The following MYO16 variants were observed in gnomAD, a reference collection of about 807,000 sequenced individuals.
The protein encoded by MYO16 is unconventional myosin-XVI.
MYO16 carries 94 observed loss-of-function variants against 205.3 expected under a neutral mutation model. The observed-to-expected ratio is 0.46, with a 90% CI of 0.39 to 0.54. The LOEUF is 0.54. Among genes scored for constraint, MYO16 ranks in the 20% least tolerant of loss-of-function variants. The pLI is 0.00. For missense variants in MYO16, 2,315 were observed against 2,387.5 expected, an observed-to-expected ratio of 0.97 and a Z score of 0.63; for synonymous variants, 988 against 954.0, an observed-to-expected ratio of 1.04 and a Z score of -0.66.
intron 32 of MYO16, among the ~76,000 whole-genome samples, chr13:109,148,485 A>C (rs1382074571): frequency 6.6e-6 from 1 of 152,228 alleles, no homozygotes; most frequent in Non-Finnish European, 1.5e-5. Context: ...TGATAAACAA[A>C]TCTGGCATTG....
chr13:108,828,876 C>A (rs774553610), intron 9 of MYO16, among the ~76,000 whole-genome samples: 63 of 152,162 alleles, frequency 4.1e-4, no homozygotes, highest in Non-Finnish European at 7.8e-4. Context: ...GGGGAGGGGG[C>A]TCAGAAGCTC....
chr13:108,933,609 T>C (rs1273917211), intron 16 of MYO16, among the ~76,000 whole-genome samples: 1 of 152,100 alleles, frequency 6.6e-6, no homozygotes, highest in Admixed American at 6.6e-5. Flanking sequence ...TTTTCAACTT[T>C]TGTTTTAGAT....
intron 27 of MYO16, among the ~76,000 whole-genome samples, chr13:109,071,457 A>C (rs1453800720): frequency 6.6e-6 from 1 of 152,196 alleles, no homozygotes; most frequent in Non-Finnish European, 1.5e-5. Flanking sequence ...CACCTCAATC[A>C]CTGATGAATG....
intron 9 of MYO16, among the ~76,000 whole-genome samples, chr13:108,832,228 C>T (rs529771042): frequency 9.9e-5 from 15 of 151,162 alleles, no homozygotes; most frequent in South Asian, 6.3e-4. Flanking sequence ...CTGCAACCTC[C>T]GCCTCCTGGG....
intron 4 of MYO16, among the ~76,000 whole-genome samples, chr13:108,762,323 T>C (rs1885636881): frequency 6.6e-6 from 1 of 152,190 alleles, no homozygotes; most frequent in South Asian, 2.1e-4. Context: ...AGGCATCTTT[T>C]TGATATAATG....
chr13:108,755,993 T>C (rs1455003124), intron 4 of MYO16, among the ~76,000 whole-genome samples: 1 of 152,230 alleles, frequency 6.6e-6, no homozygotes, highest in Non-Finnish European at 1.5e-5. Context: ...CTTAGCATTA[T>C]AGTCACAGTC....
chr13:108,880,945 A>T (rs1879584658), intron 12 of MYO16, among the ~76,000 whole-genome samples: 2 of 152,166 alleles, frequency 1.3e-5, no homozygotes, highest in African/African-American at 4.8e-5. Flanking sequence ...TCTATAAATT[A>T]CCTTGGGCAT....
intron 1 of MYO16, among the ~76,000 whole-genome samples, chr13:108,615,912 A>C (rs985037550): frequency 6.6e-6 from 1 of 152,154 alleles, no homozygotes; most frequent in African/African-American, 2.4e-5. Context: ...TGTTTATACC[A>C]TTCTGTATTG....
At chr13:108,770,647 C>A (rs34079484) in intron 4 of MYO16, among the ~76,000 whole-genome samples, 12,055 of 152,180 alleles carry the variant, frequency 0.079, 614 homozygotes, top group Non-Finnish European at 0.12. Context: ...GAAAATGAAG[C>A]CACTGAGGAA....
In MYO16 at chr13:109,127,279, A is replaced by G; in HGVS notation, c.3783-3A>G. The G allele has an allele frequency of 6.4e-7, 1 of 1,572,676 alleles. No individual in the cohort carries two copies. Among genetic ancestry groups the G allele is most frequent in the South Asian group, 1.2e-5 (1 of 85,922 alleles). On this transcript the variant is annotated splice_region_variant and splice_polypyrimidine_tract_variant and intron_variant, in intron 30 of 34. Transcript: ENST00000457511. This position sits in a 1 kb window ranked among gnomAD's most constrained non-coding sequence, Gnocchi z 4.2. ...TGCTGTTTGTGTTTTGTTTCCCCCT[A>G]AGAACCGATGACAAGAGTGGACCCA...
intron 15 of MYO16, among the ~76,000 whole-genome samples, chr13:108,904,602 A>G (rs1345637371): frequency 2.6e-5 from 4 of 152,196 alleles, no homozygotes; most frequent in Non-Finnish European, 5.9e-5. Flanking sequence ...GTGTTTACAG[A>G]TTATATGTAA....
intron 22 of MYO16, among the ~76,000 whole-genome samples, chr13:109,018,894 T>C (rs1885924163): frequency 6.6e-6 from 1 of 152,112 alleles, no homozygotes; most frequent in Non-Finnish European, 1.5e-5. Context: ...ATCACCTGTC[T>C]TCTGTGTCAA....
chr13:109,188,748 G>C (rs531088260), intron 34 of MYO16, among the ~76,000 whole-genome samples: 1 of 152,258 alleles, frequency 6.6e-6, no homozygotes, highest in South Asian at 2.1e-4. Flanking sequence ...GCAAACCACT[G>C]ATGTAAGTCC....
chr13:109,116,589 A>G (rs1419412708), intron 28 of MYO16, among the ~76,000 whole-genome samples: 1 of 152,186 alleles, frequency 6.6e-6, no homozygotes, highest in Non-Finnish European at 1.5e-5. Context: ...TGAAGTATCT[A>G]GTACATTCCA....
chr13:108,500,228 T>TTTTC, the MYO16 span, among the ~76,000 whole-genome samples: 1 of 9,856 alleles, frequency 1.0e-4, no homozygotes, highest in African/African-American at 2.7e-4. Flanking sequence ...TTTGTTTTTT[T>TTTTC]TTTGTTTTTT....
At chr13:109,176,511 T>G (rs1039006457) in intron 33 of MYO16, among the ~76,000 whole-genome samples, 10 of 142,940 alleles carry the variant, frequency 7.0e-5, no homozygotes, top group African/African-American at 2.6e-4. Flanking sequence ...TTGGTGTCAT[T>G]TTAAAATAAT....
At chr13:108,539,459 A>C in the MYO16 span, among the ~76,000 whole-genome samples, 4 of 152,216 alleles carry the variant, frequency 2.6e-5, no homozygotes, top group East Asian at 7.7e-4. Context: ...TAAAACATCT[A>C]TTAAACTTCA....
intron 8 of MYO16, among the ~76,000 whole-genome samples, chr13:108,820,813 C>G (rs895172769): frequency 8.5e-5 from 13 of 152,160 alleles, no homozygotes; most frequent in African/African-American, 3.1e-4. Flanking sequence ...GCGTTATTAT[C>G]TGTGCAGATA....
intron 2 of MYO16, among the ~76,000 whole-genome samples, chr13:108,676,403 G>GTGTGTGGGTGTGTT (rs143639000): frequency 2.0e-5 from 3 of 148,224 alleles, no homozygotes; most frequent in African/African-American, 7.5e-5. Flanking sequence ...GTGTGTGTGT[G>GTGTGTGGGTGTGTT]TGTGCCAGCC....
Sources: allele counts gnomAD v4.1 joint callset (sites outside exome capture counted in the v4.1 genomes callset), GRCh38; gene constraint gnomAD v4.1.1; non-coding constraint Gnocchi (gnomAD v3.1); transcripts MANE v1.5; gene names NCBI Gene and HGNC (gene_info 2026-07-23, HGNC 2026-07-21).